The following PER2 variants were observed in gnomAD, a reference collection of about 807,000 sequenced individuals.
PER2 encodes period circadian protein homolog 2.
In PER2, 66 loss-of-function variants were observed where a neutral mutation model predicts 121.0. The ratio of observed to expected loss-of-function variants is 0.55; its 90% CI spans 0.45 to 0.67. The LOEUF (loss-of-function observed/expected upper bound fraction) is 0.67, where lower values mean the gene tolerates loss of function less well. PER2 is among the 30% of genes least tolerant of loss of function. The pLI is 0.00. For missense variants in PER2, 1,521 were observed against 1,635.0 expected (o/e 0.93, Z 1.20); for synonymous variants, 684 against 659.9 (o/e 1.04, Z -0.56).
intron 22 of PER2, among the ~76,000 whole-genome samples, chr2:238,248,487 T>C (rs1695505356): frequency 6.6e-6 from 1 of 152,094 alleles, no homozygotes; most frequent in African/African-American, 2.4e-5. Context: ...GGGTTTTTTT[T>C]TGTAAAATAG....
chr2:238,280,334 G>A (rs1251392052), intron 1 of PER2, among the ~76,000 whole-genome samples: 1 of 152,216 alleles, frequency 6.6e-6, no homozygotes, highest in Non-Finnish European at 1.5e-5. Flanking sequence ...AGTGTCTGGA[G>A]AACAGCAGGG....
At chr2:238,257,470 GTTTC>G (rs1006775362) in intron 16 of PER2, among the ~76,000 whole-genome samples, 19 of 152,190 alleles carry the variant, frequency 1.2e-4, no homozygotes, top group African/African-American at 4.6e-4. Context: ...GGGATACCCT[GTTTC>G]TTTCTTTTTT....
At chr2:238,295,173 T>C in the PER2 span, among the ~76,000 whole-genome samples, 1 of 152,254 alleles carries the variant, frequency 6.6e-6, no homozygotes, top group Non-Finnish European at 1.5e-5. Context: ...CACTTGTCCC[T>C]AAACGGAGTC....
intron 4 of PER2, among the ~76,000 whole-genome samples, chr2:238,274,317 GC>G (rs1696386069): frequency 1.3e-5 from 2 of 152,210 alleles, no homozygotes; most frequent in Non-Finnish European, 2.9e-5. Flanking sequence ...GGCTCAACAG[GC>G]CCCGGACACA....
chr2:238,265,413 C>T (rs1439118816), intron 9 of PER2, 99 bp downstream of exon 9: 4 of 762,114 alleles, frequency 5.2e-6, no homozygotes, highest in African/African-American at 1.8e-5. Flanking sequence ...TGTTTTTGTC[C>T]ATTATCATGT....
chr2:238,255,155 A>C (rs758268549), intron 18 of PER2: 1 of 194,596 alleles, frequency 5.1e-6, no homozygotes, highest in African/African-American at 2.4e-5. Flanking sequence ...GCAGCTTCCC[A>C]CACCATGACC....
chr2:238,259,929 C>G (rs1209870862), intron 14 of PER2, 40 bp downstream of exon 14: 1 of 936,820 alleles, frequency 1.1e-6, no homozygotes. Context: ...TGGCCATACT[C>G]TAGTTTCAGT....
intron 3 of PER2, among the ~76,000 whole-genome samples, chr2:238,276,892 C>A (rs190044897): frequency 6.6e-6 from 1 of 152,244 alleles, no homozygotes; most frequent in Admixed American, 6.5e-5. Context: ...AAGTCGGCTT[C>A]GAGTAGAGCT....
At chr2:238,248,841 G>C (rs1374192106) in intron 22 of PER2, 10 of 525,954 alleles carry the variant, frequency 1.9e-5, no homozygotes, top group Non-Finnish European at 3.2e-5. Context: ...ATTTTTAGTA[G>C]AGACGGGGTT....
At chr2:238,292,922 G>T (rs1277297194), upstream of PER2, among the ~76,000 whole-genome samples, 1 of 151,688 alleles carries the variant, frequency 6.6e-6, no homozygotes, top group African/African-American at 2.4e-5. Flanking sequence ...ATTTTCAGCA[G>T]AGACAGGGTT....
At chr2:238,247,465 G>A (rs1695479555) in intron 22 of PER2, 1 of 152,276 alleles carries the variant, frequency 6.6e-6, no homozygotes, top group Non-Finnish European at 1.5e-5. Context: ...CCCTGAGCTA[G>A]AAGTACCCAG....
chr2:238,273,776 TC>T (rs1435413686), intron 4 of PER2, among the ~76,000 whole-genome samples: 6 of 152,208 alleles, frequency 3.9e-5, no homozygotes, highest in African/African-American at 1.2e-4. Flanking sequence ...CAAGCAATTC[TC>T]CTGCCTCAGC....
intron 1 of PER2, among the ~76,000 whole-genome samples, chr2:238,279,815 T>C (rs1014504970): frequency 3.3e-5 from 5 of 152,132 alleles, no homozygotes; most frequent in Non-Finnish European, 7.4e-5. Flanking sequence ...CCCAATCATT[T>C]GCCACAAAGT....
Position 238,255,772 on chromosome 2 carries a change from CTG to C in PER2, c.2203_2204del (p.Gln735GlufsTer37). On this transcript the variant is annotated frameshift_variant, in exon 18 of 23. Coordinates refer to ENST00000254657, the MANE Select transcript of PER2 (RefSeq NM_022817.3). LOFTEE classifies it high-confidence loss of function. ...TCTGCAGGAAGCTCTGCTCCTCCTT[CTG>C]TGTGTGTGCAGCGAGTACCTCCTTG... ...LTKEVLAAHT[Q>X]KEEQSFLQKF... 3 of 1,614,208 alleles carry C rather than the reference CTG, an allele frequency of 1.9e-6. No homozygotes were observed. Among genetic ancestry groups the C allele is most frequent in the Non-Finnish European group, 2.5e-6 (3 of 1,180,044 alleles).
chr2:238,294,641 A>G (rs1428497120), upstream of PER2, among the ~76,000 whole-genome samples: 7 of 152,064 alleles, frequency 4.6e-5, no homozygotes, highest in Non-Finnish European at 1.0e-4. Flanking sequence ...GACATTCTCA[A>G]CACCACGACG....
Position 238,245,062 on chromosome 2 carries a change from A to AG in PER2, c.*1312_*1313insC. 6.7e-6 allele frequency: 1 copy of AG among 149,676 alleles called. No individual in the cohort carries two copies. Among genetic ancestry groups the AG allele is most frequent in the Admixed American group, 6.6e-5 (1 of 15,044 alleles). The allele number at this position is 149,676 out of a possible 1,614,324, so 9.3% of individuals were successfully genotyped here. A position where few individuals can be genotyped will look rare whatever the true frequency, so the allele number is the denominator to read the frequency against. ...CCATCTAAAAAAAAAAAAAAAAAAAAAAAAAAAAGAAAACCCTGGTCCCTT... is the reference window on the plus strand; with the variant it reads ...CCATCTAAAAAAAAAAAAAAAAAAAAGAAAAAAAAGAAAACCCTGGTCCCTT... On this transcript the variant is annotated 3_prime_UTR_variant, in exon 23 of 23. Coordinates refer to ENST00000254657, the MANE Select transcript of PER2 (RefSeq NM_022817.3).
At chr2:238,284,743 T>C (rs1163087791) in intron 1 of PER2, among the ~76,000 whole-genome samples, 3 of 152,196 alleles carry the variant, frequency 2.0e-5, no homozygotes, top group African/African-American at 7.2e-5. Flanking sequence ...CGACATTACC[T>C]TAGGTGGAAG....
intron 4 of PER2, among the ~76,000 whole-genome samples, chr2:238,274,498 A>G (rs1696391170): frequency 6.6e-6 from 1 of 152,248 alleles, no homozygotes; most frequent in Non-Finnish European, 1.5e-5. Flanking sequence ...TCTGAAATCA[A>G]GATATAAACT....
chr2:238,249,072 A>C lies in PER2; in HGVS notation c.3608T>G (p.Ile1203Ser), dbSNP rs1459923538. 6.2e-7 allele frequency: 1 copy of C among 1,614,136 alleles called. No homozygotes were observed. The highest frequency in any genetic ancestry group is 8.5e-7 in the Non-Finnish European group (1 of 1,180,042). The change falls in exon 22 of 23, where the codon ATC (isoleucine) becomes AGC (serine). Residue 1203 changes from isoleucine to serine, a missense_variant. Ile to Ser is a moderately radical substitution (Grantham distance 142). Coordinates refer to ENST00000254657, the MANE Select transcript of PER2 (RefSeq NM_022817.3). ...WMQTGGLPAAIDVAECVYCEN... is the reference protein window; with the variant it reads ...WMQTGGLPAASDVAECVYCEN... ...GTCCCGTGAGCTTACTGCCACGTCG[A>C]TGGCTGCGGGCAGGCCGCCCGTCTG...
Sources: allele counts gnomAD v4.1 joint callset (sites outside exome capture counted in the v4.1 genomes callset), GRCh38; gene constraint gnomAD v4.1.1; transcripts MANE v1.5; gene names NCBI Gene and HGNC (gene_info 2026-07-23, HGNC 2026-07-21).